The following TTC23L variants were observed in gnomAD, a reference collection of about 807,000 sequenced individuals.
TTC23L encodes the protein tetratricopeptide repeat protein 23-like.
A neutral mutation model predicts 48.1 loss-of-function variants in TTC23L; 42 were observed. That is an observed-to-expected ratio of 0.87 (90% CI 0.68 to 1.13). The LOEUF (loss-of-function observed/expected upper bound fraction) is 1.13. TTC23L is among the 50% of genes most tolerant of loss of function. The pLI, the probability that TTC23L is intolerant of heterozygous loss-of-function variation, is 0.00. For synonymous variants in TTC23L, 159 were observed against 157.2 expected (o/e 1.01, Z -0.09); for missense variants, 391 against 421.0 (o/e 0.93, Z 0.62).
chr5:34,923,191 C>A, the TTC23L span: 1 of 1,614,106 alleles, frequency 6.2e-7, no homozygotes, highest in Non-Finnish European at 8.5e-7. Flanking sequence ...CACGTGTTTA[C>A]TTTCACCATT....
At chr5:34,912,987 G>A in the TTC23L span, among the ~76,000 whole-genome samples, 1 of 152,156 alleles carries the variant, frequency 6.6e-6, no homozygotes, top group Non-Finnish European at 1.5e-5. Context: ...GGCAACAAGA[G>A]AGAAACTCTG....
At chr5:34,841,041 CA>C (rs1024250209) in intron 2 of TTC23L, among the ~76,000 whole-genome samples, 1 of 148,130 alleles carries the variant, frequency 6.8e-6, no homozygotes, top group Non-Finnish European at 1.5e-5. Flanking sequence ...GACCCTGTCT[CA>C]AAAAAAAATA....
intron 6 of TTC23L, among the ~76,000 whole-genome samples, chr5:34,865,771 C>T (rs538312897): frequency 2.6e-5 from 4 of 152,292 alleles, no homozygotes; most frequent in South Asian, 4.1e-4. Flanking sequence ...GCAATCAGAA[C>T]TCACTGAAAC....
intron 4 of TTC23L, among the ~76,000 whole-genome samples, chr5:34,860,384 C>T (rs958702825): frequency 6.6e-6 from 1 of 152,186 alleles, no homozygotes; most frequent in African/African-American, 2.4e-5. Context: ...AAAGATTTTA[C>T]TAACTATGTA....
chr5:34,862,850 G>A, intron 4 of TTC23L, 48 bp from the exon 5 acceptor site: 3 of 1,606,812 alleles, frequency 1.9e-6, no homozygotes, highest in Non-Finnish European at 2.6e-6. Flanking sequence ...ACTGAAGCAT[G>A]CCTTTTTAAT....
chr5:34,922,232 A>T, the TTC23L span: 1 of 1,579,972 alleles, frequency 6.3e-7, no homozygotes. Context: ...TGAAATGAAG[A>T]ACTGTAATAA....
At chr5:34,889,734 A>G (rs1266151891) in intron 9 of TTC23L, among the ~76,000 whole-genome samples, 1 of 152,214 alleles carries the variant, frequency 6.6e-6, no homozygotes, top group Non-Finnish European at 1.5e-5. Flanking sequence ...AAAAATATTA[A>G]TAACTATAAT....
intron 8 of TTC23L, among the ~76,000 whole-genome samples, chr5:34,871,368 A>G (rs1761451889): frequency 6.6e-6 from 1 of 152,194 alleles, no homozygotes; most frequent in Non-Finnish European, 1.5e-5. Flanking sequence ...TATGTACAGT[A>G]TTTATGTGCT....
chr5:34,923,988 G>A, the TTC23L span, among the ~76,000 whole-genome samples: 2 of 152,276 alleles, frequency 1.3e-5, no homozygotes, highest in African/African-American at 2.4e-5. Context: ...AGAAAGTGCT[G>A]TAAAGGATAC....
intron 9 of TTC23L, among the ~76,000 whole-genome samples, chr5:34,892,119 G>A (rs1762906014): frequency 6.6e-6 from 1 of 152,192 alleles, no homozygotes; most frequent in African/African-American, 2.4e-5. Context: ...AACGATTGCT[G>A]TCTCTTTGCA....
intron 9 of TTC23L, among the ~76,000 whole-genome samples, chr5:34,895,587 C>T (rs968179221): frequency 6.6e-5 from 10 of 152,186 alleles, no homozygotes; most frequent in African/African-American, 2.4e-4. Context: ...GAGAACCATC[C>T]TTTTCTCCTC....
At position 34,840,741 on chromosome 5, in the gene TTC23L, T is replaced by A; in HGVS notation, c.68+2T>A. On this transcript the variant is annotated splice_donor_variant, in intron 2 of 10. Coordinates refer to ENST00000505624, the Ensembl canonical transcript of TTC23L. LOFTEE classifies it high-confidence loss of function. The stretch of plus-strand genomic sequence containing the variant: ...CGACTGGGATTTCTGCTTCCATATG[T>A]AAGTATCACAGCATTTTGACATCAC... 1 of 1,613,270 alleles carries A rather than the reference T, an allele frequency of 6.2e-7. No individual in the cohort carries two copies. Among genetic ancestry groups the A allele is most frequent in the Non-Finnish European group, 8.5e-7 (1 of 1,179,242 alleles).
At chr5:34,877,391 G>A (rs914579126) in intron 8 of TTC23L, among the ~76,000 whole-genome samples, 48 of 101,842 alleles carry the variant, frequency 4.7e-4, no homozygotes, top group Middle Eastern at 0.012. Flanking sequence ...GTTCTCCTTT[G>A]ACTAACACTA....
chr5:34,866,715 A>C (rs1305517716), intron 6 of TTC23L, among the ~76,000 whole-genome samples, 177 bp from the exon 7 acceptor site: 2 of 152,204 alleles, frequency 1.3e-5, no homozygotes, highest in Non-Finnish European at 2.9e-5. Flanking sequence ...ATGAAATCTG[A>C]TGGGTAAAAT....
chr5:34,887,283 C>T (rs539500934), intron 9 of TTC23L, among the ~76,000 whole-genome samples: 16 of 152,104 alleles, frequency 1.1e-4, no homozygotes, highest in African/African-American at 1.7e-4. Flanking sequence ...CATGAACACG[C>T]GGATGACATC....
chr5:34,843,960 C>A (rs1001875656), intron 2 of TTC23L, among the ~76,000 whole-genome samples: 1 of 151,960 alleles, frequency 6.6e-6, no homozygotes, highest in East Asian at 1.9e-4. Context: ...AAAGAAACAA[C>A]AATAAAAAAA....
chr5:34,924,905 T>C, the TTC23L span: 1 of 1,610,422 alleles, frequency 6.2e-7, no homozygotes, highest in Non-Finnish European at 8.5e-7. Context: ...TTAAATCTCA[T>C]AAAGATTTTC....
chr5:34,914,120 A>G, the TTC23L span: 6 of 412,186 alleles, frequency 1.5e-5, no homozygotes, highest in Non-Finnish European at 2.5e-5. Context: ...TTGAACTTGC[A>G]ATCCTATCTG....
At chr5:34,905,673 CT>C in the TTC23L span, 1 of 152,088 alleles carries the variant, frequency 6.6e-6, no homozygotes, top group Non-Finnish European at 1.5e-5. Flanking sequence ...AACTAAAAGT[CT>C]TTAAATATAA....
Sources: gnomAD v4.1 joint callset for allele counts (sites outside exome capture counted in the v4.1 genomes callset) on GRCh38, gnomAD v4.1.1 for gene constraint, MANE v1.5 for transcripts, NCBI Gene and HGNC (gene_info 2026-07-23, HGNC 2026-07-21) for gene names.